Variants in ITGB4 observed in about 807,000 individuals in gnomAD.
ITGB4 encodes the protein integrin subunit beta 4, also known as integrin beta-4.
Under a neutral mutation model 207.6 loss-of-function variants are expected in ITGB4, and 159 were observed. The ratio of observed to expected loss-of-function variants is 0.77; its 90% CI spans 0.67 to 0.87. The LOEUF (loss-of-function observed/expected upper bound fraction) is 0.87, where lower values mean the gene tolerates loss of function less well. Ranked by LOEUF, ITGB4 falls within the 40% of genes least tolerant of loss-of-function variation. The pLI is 0.00. For missense variants in ITGB4, 2,278 were observed against 2,546.8 expected (o/e 0.89, Z 2.27); for synonymous variants, 1,020 against 1,062.7 (o/e 0.96, Z 0.78).
rs760811670 is a variant in ITGB4 at position 75,752,394 on chromosome 17, A to AG, written c.3976+44dup. The AG allele has an allele frequency of 1.2e-5, 17 of 1,470,004 alleles. No homozygotes were observed. In the Admixed American group the frequency reaches 2.4e-4, roughly 20 times the overall value. The allele number at this position is 1,470,004 out of a possible 1,614,324, so 91.1% of individuals were successfully genotyped here. ...CAGGGAGGTGAGGGGCAGACCGGGC[A>AG]GGGGGGCAGGGGGCAGCAGCCAGGG... On this transcript the variant is annotated intron_variant, in intron 31 of 39. Transcript: ENST00000200181.
At position 75,750,360 on chromosome 17, in the gene ITGB4, CT is replaced by C; in HGVS notation, c.3474+93del. 1 of 1,329,966 alleles carries C rather than the reference CT, an allele frequency of 7.5e-7. No homozygotes were observed. Among genetic ancestry groups the C allele is most frequent in the Non-Finnish European group, 1.0e-6 (1 of 968,466 alleles). The allele number at this position is 1,329,966 out of a possible 1,614,324, so 82.4% of individuals were successfully genotyped here. ...GTGGGCCGTCCAAGGCCAGGGCCCC[CT>C]GAGAGAGAGCAGACAGTGGAACCTA... On this transcript the variant is annotated intron_variant, in intron 28 of 39. Transcript: ENST00000200181. This position sits in a 1 kb window ranked among gnomAD's most constrained non-coding sequence, Gnocchi z 5.5.
chr17:75,755,660 AG>A, intron 34 of ITGB4, 40 bp from the exon 35 acceptor site: 1 of 1,611,260 alleles, frequency 6.2e-7, no homozygotes, highest in African/African-American at 1.3e-5. Flanking sequence ...CTGAGACCCT[AG>A]CCCCTGCATC....
chr17:75,750,095 C>T lies in ITGB4; in HGVS notation c.3317-16C>T, dbSNP rs772856542. 32 of 1,613,338 alleles carry T rather than the reference C, an allele frequency of 2.0e-5. No homozygotes were observed. Among genetic ancestry groups the T allele is most frequent in the Non-Finnish European group, 2.5e-5 (30 of 1,180,018 alleles). On this transcript the variant is annotated splice_polypyrimidine_tract_variant and intron_variant, in intron 27 of 39. Coordinates refer to ENST00000200181, the MANE Select transcript of ITGB4 (RefSeq NM_000213.5). This position sits in a 1 kb window ranked among gnomAD's most constrained non-coding sequence, Gnocchi z 5.5. ...GGGGATCTGAGTGGTTGCCCGGCCC[C>T]AACCTGACCCGTTAGATGAACTGGA...
chr17:75,752,216 A>G lies in ITGB4; in HGVS notation c.3836A>G (p.Lys1279Arg). The G allele has an allele frequency of 6.2e-7, 1 of 1,613,944 alleles. No homozygotes were observed. The highest frequency in any genetic ancestry group is 8.5e-7 in the Non-Finnish European group (1 of 1,180,036). Residue 1279 changes from lysine (K) to arginine (R), a missense_variant, in exon 31 of 40, where the codon AAG becomes AGG. By Grantham distance (26) the Lys-to-Arg change is conservative. Coordinates refer to ENST00000200181, the MANE Select transcript of ITGB4 (RefSeq NM_000213.5). The part of the protein sequence containing the change: ...PMKKVLVDNP[K>R]NRMLLIENLR... ...AAGAAAGTGCTGGTTGACAACCCTA[A>G]GAACCGGATGCTGCTTATTGAGAAC...
Position 75,753,942 on chromosome 17 carries a change from T to C in ITGB4, c.4286T>C (p.Leu1429Pro). The part of the protein sequence containing the change: ...DGGAGGKGGS[L>P]PRSATPGPPG... ...GGCGCGGGCGGGAAGGGCGGCAGCC[T>C]GCCCCGCAGTGCGACACCCGGGCCC... The change falls in exon 33 of 40, where the codon CTG becomes CCG. Residue 1429 changes from leucine (L) to proline (P), a missense_variant. Coordinates refer to ENST00000200181, the MANE Select transcript of ITGB4 (RefSeq NM_000213.5). 1 of 1,272,922 alleles carries C rather than the reference T, an allele frequency of 7.9e-7. No homozygotes were observed. 78.9% of individuals were successfully genotyped at this position (1,272,922 alleles called of 1,614,324 possible).
Position 75,748,985 on chromosome 17 carries a change from C to T in ITGB4, c.3256C>T (p.Pro1086Ser). The T allele has an allele frequency of 1.9e-6, 3 of 1,613,402 alleles. No homozygotes were observed. Among genetic ancestry groups the T allele is most frequent in the Non-Finnish European group, 2.5e-6 (3 of 1,180,018 alleles). Residue 1086 changes from proline to serine, a missense_variant, in exon 27 of 40, where the codon CCT (proline) becomes TCT (serine). Physicochemically the swap from Pro to Ser is moderately conservative, Grantham distance 74. Transcript: ENST00000200181. ...CCGTTTCCACGTCCAGCTCAGCAAC[C>T]CTAAGTTTGGGGCCCACCTGGGCCA... is the stretch of plus-strand genomic sequence containing the variant. ...VRRFHVQLSNPKFGAHLGQPH... is the reference protein window; with the variant it reads ...VRRFHVQLSNSKFGAHLGQPH...
At chr17:75,754,453 T>A in intron 33 of ITGB4, 123 bp from the exon 34 acceptor site, 1 of 1,235,468 alleles carries the variant, frequency 8.1e-7, no homozygotes, top group Non-Finnish European at 1.2e-6. Context: ...TGAGGGAAAC[T>A]GGTTGTATTT....
chr17:75,748,772 G>A (rs1374211698), intron 26 of ITGB4, 69 bp from the exon 27 acceptor site: 9 of 1,173,910 alleles, frequency 7.7e-6, no homozygotes, highest in Non-Finnish European at 1.1e-5. Context: ...GGTTGGGAGG[G>A]AGCGTGTGGC....
At position 75,742,626 on chromosome 17, in the gene ITGB4, G is replaced by A; in HGVS notation, c.2827G>A (p.Asp943Asn). The stretch of plus-strand genomic sequence containing the variant: ...GTTCCAGGAGGGCGTGGAGCTGGTG[G>A]ACGTACGGGTGCCCCTCTTTATCCG... ...VEFQEGVELV[D>N]VRVPLFIRPE... Residue 943 changes from aspartate (D) to asparagine (N), a missense_variant, in exon 25 of 40, where the codon GAC (aspartate) becomes AAC (asparagine). Coordinates refer to ENST00000200181, the MANE Select transcript of ITGB4 (RefSeq NM_000213.5). This position sits in a 1 kb window ranked among gnomAD's most constrained non-coding sequence, Gnocchi z 5.9. The A allele has an allele frequency of 6.2e-7, 1 of 1,614,074 alleles. No homozygotes were observed. The highest frequency in any genetic ancestry group is 8.5e-7 in the Non-Finnish European group (1 of 1,180,040).
In ITGB4 at chr17:75,754,728, G is replaced by A; in HGVS notation, c.4471G>A (p.Asp1491Asn). Reference sequence around the variant, plus strand: ...AAGCACATCCTCCACCCTCACACGGGACTACAACTCACTGACCCGCTCAGA... The same window carrying A: ...AAGCACATCCTCCACCCTCACACGGAACTACAACTCACTGACCCGCTCAGA... ...VLSTSSTLTR[D>N]YNSLTRSEHS... The change falls in exon 34 of 40, where the codon GAC (aspartate) becomes AAC (asparagine). Residue 1491 changes from aspartate (D) to asparagine (N), a missense_variant. By Grantham distance (23) the Asp-to-Asn change is conservative. Coordinates refer to ENST00000200181, the MANE Select transcript of ITGB4 (RefSeq NM_000213.5). 1 of 1,614,010 alleles carries A rather than the reference G, an allele frequency of 6.2e-7. No individual in the cohort carries two copies. The highest frequency in any genetic ancestry group is 8.5e-7 in the Non-Finnish European group (1 of 1,179,946).
rs933907638 is a variant in ITGB4 at position 75,740,290 on chromosome 17, C to T, written c.2447-68C>T. 3 of 1,414,660 alleles carry T rather than the reference C, an allele frequency of 2.1e-6. No homozygotes were observed. Among genetic ancestry groups the T allele is most frequent in the African/African-American group, 2.8e-5 (2 of 71,384 alleles). 87.6% of individuals were successfully genotyped at this position (1,414,660 alleles called of 1,614,324 possible). A position where few individuals can be genotyped will look rare whatever the true frequency, so the allele number is the denominator to read the frequency against. On this transcript the variant is annotated intron_variant, in intron 20 of 39. Coordinates refer to ENST00000200181, the MANE Select transcript of ITGB4 (RefSeq NM_000213.5). This position sits in a 1 kb window ranked among gnomAD's most constrained non-coding sequence, Gnocchi z 5.9. ...TCCTAGCATGGTTGCTGGAGGGATG[C>T]TCTGTGGTGCCTGTCATGCAGGGGG...
In ITGB4 at chr17:75,730,182, C is replaced by T. The variant is rs114786416; in HGVS notation, c.739-59C>T. On this transcript the variant is annotated intron_variant, in intron 7 of 39. Coordinates refer to ENST00000200181, the MANE Select transcript of ITGB4 (RefSeq NM_000213.5). ...CCGCGTTCCCCGTCCTACACGACGC[C>T]GTGATGCGTGTCAGCAGGCAGCCTG... 1,346 of 1,607,184 alleles carry T rather than the reference C, an allele frequency of 8.4e-4. 7 individuals are homozygous for T. The African/African-American group carries it at 0.016, about 19-fold the overall frequency.
chr17:75,730,091 A>C, intron 7 of ITGB4, 150 bp from the exon 8 acceptor site: 6 of 967,282 alleles, frequency 6.2e-6, no homozygotes, highest in Non-Finnish European at 9.5e-6. Context: ...ATGTGCCGTC[A>C]GATGCATCTT....
intron 8 of ITGB4, among the ~76,000 whole-genome samples, 171 bp downstream of exon 8, chr17:75,730,675 T>G (rs576960006): frequency 7.1e-6 from 1 of 141,528 alleles, no homozygotes; most frequent in Admixed American, 7.8e-5. Context: ...CCCCCCAAAA[T>G]GTGGGCCCTA....
chr17:75,751,616 C>A, intron 30 of ITGB4: 1 of 228,756 alleles, frequency 4.4e-6, no homozygotes, highest in Non-Finnish European at 8.8e-6. Context: ...TGGCTCATGC[C>A]TGTAGTCCCA....
At chr17:75,733,441 C>T (rs2060906764) in intron 12 of ITGB4, 49 bp from the exon 13 acceptor site, 1 of 1,508,490 alleles carries the variant, frequency 6.6e-7, no homozygotes, top group African/African-American at 1.4e-5. Context: ...AGCAAAAGCC[C>T]CAGCTTTCCT....
chr17:75,734,483 T>A (rs1039676481), intron 13 of ITGB4, among the ~76,000 whole-genome samples: 3 of 152,072 alleles, frequency 2.0e-5, no homozygotes, highest in Non-Finnish European at 2.9e-5. Context: ...CTGGAAGGCC[T>A]GGAGCTTCCT....
Position 75,727,347 on chromosome 17 carries a change from G to A in ITGB4, c.163-57G>A. 1 of 1,612,502 alleles carries A rather than the reference G, an allele frequency of 6.2e-7. No individual in the cohort carries two copies. The highest frequency in any genetic ancestry group is 8.5e-7 in the Non-Finnish European group (1 of 1,178,736). Reference sequence around the variant, plus strand: ...AATAGCTGGTGGAAATGAATCTAGGGTTGGGGCAGCCAGGGAATGGGTGCT... The same window carrying A: ...AATAGCTGGTGGAAATGAATCTAGGATTGGGGCAGCCAGGGAATGGGTGCT... On this transcript the variant is annotated intron_variant, in intron 3 of 39. Transcript: ENST00000200181. The surrounding 1 kb of genome is among the most constrained non-coding windows in gnomAD (Gnocchi z 6.0).
Position 75,750,209 on chromosome 17 carries a change from G to T in ITGB4, c.3415G>T (p.Gly1139Trp). The T allele has an allele frequency of 6.2e-7, 1 of 1,613,850 alleles. No homozygotes were observed. Among genetic ancestry groups the T allele is most frequent in the Middle Eastern group, 1.6e-4 (1 of 6,062 alleles). ...APQNPNAKAA[G>W]SRKIHFNWLP... Reference sequence around the variant, plus strand: ...GCAGAACCCCAATGCTAAGGCCGCTGGGTCCAGGAAGATCCATTTCAACTG... The same window carrying T: ...GCAGAACCCCAATGCTAAGGCCGCTTGGTCCAGGAAGATCCATTTCAACTG... Residue 1139 changes from glycine (G) to tryptophan (W), a missense_variant, in exon 28 of 40, where the codon GGG (glycine) becomes TGG (tryptophan). Gly to Trp is a radical substitution (Grantham distance 184). Coordinates refer to ENST00000200181, the MANE Select transcript of ITGB4 (RefSeq NM_000213.5). This position sits in a 1 kb window ranked among gnomAD's most constrained non-coding sequence, Gnocchi z 5.5.
Sources: allele counts gnomAD v4.1 joint callset (sites outside exome capture counted in the v4.1 genomes callset), GRCh38; gene constraint gnomAD v4.1.1; non-coding constraint Gnocchi (gnomAD v3.1); transcripts MANE v1.5; gene names NCBI Gene and HGNC (gene_info 2026-07-23, HGNC 2026-07-21).